Variants in GRID1 observed in about 807,000 individuals in gnomAD.
GRID1 encodes glutamate receptor ionotropic, delta-1.
A neutral mutation model predicts 98.0 loss-of-function variants in GRID1; 28 were observed. That is an observed-to-expected ratio of 0.29 (90% confidence interval 0.21 to 0.39). The LOEUF (loss-of-function observed/expected upper bound fraction) is 0.39. Ranked by LOEUF, GRID1 falls within the 10% of genes least tolerant of loss-of-function variation. The pLI, the probability that GRID1 is intolerant of heterozygous loss-of-function variation, is 1.00. For missense variants in GRID1, 1,111 were observed against 1,340.5 expected (o/e 0.83, Z 2.67); for synonymous variants, 553 against 538.5 (o/e 1.03, Z -0.37).
At chr10:86,329,304 TGGGCCCTCCTCTA>T (rs1217068856) in intron 2 of GRID1, among the ~76,000 whole-genome samples, 1 of 152,214 alleles carries the variant, frequency 6.6e-6, no homozygotes. Flanking sequence ...TGTCATACCA[TGGGCCCTCCTCTA>T]GGGCCCTCCA....
intron 12 of GRID1, among the ~76,000 whole-genome samples, chr10:85,713,609 C>A (rs1332034701): frequency 4.2e-5 from 6 of 144,444 alleles, no homozygotes; most frequent in African/African-American, 1.3e-4. Context: ...AAAATGCTAA[C>A]AAACCTAATT....
intron 2 of GRID1, among the ~76,000 whole-genome samples, chr10:86,322,260 T>C (rs549351271): frequency 6.6e-6 from 1 of 152,152 alleles, no homozygotes; most frequent in Admixed American, 6.5e-5. Flanking sequence ...ACATGAAGGA[T>C]ATAAGCTCCA....
intron 4 of GRID1, among the ~76,000 whole-genome samples, chr10:85,922,852 C>T (rs143958573): frequency 9.3e-4 from 141 of 152,224 alleles, no homozygotes; most frequent in African/African-American, 3.3e-3. Flanking sequence ...CCCTAAAGAG[C>T]GGTTATCACA....
At position 85,996,443 on chromosome 10, in the gene GRID1, C is replaced by CA. The variant is rs1381977509; in HGVS notation, c.727-80205dup. 9.9e-5 allele frequency among the ~76,000 whole-genome samples: 15 copies of CA among 151,866 alleles called. No individual in the cohort carries two copies. In the South Asian group the frequency reaches 1.7e-3, roughly 17 times the overall value. ...GTATACAATAACTAAAATTTAACAACAAAAAAAATTTCACTGGATGGGCTC... is the reference window on the plus strand; with the variant it reads ...GTATACAATAACTAAAATTTAACAACAAAAAAAAATTTCACTGGATGGGCTC... On this transcript the variant is annotated intron_variant, in intron 4 of 15. Transcript: ENST00000327946.
chr10:85,838,600 C>T (rs1207842217), intron 8 of GRID1, among the ~76,000 whole-genome samples: 1 of 152,084 alleles, frequency 6.6e-6, no homozygotes, highest in South Asian at 2.1e-4. Context: ...TAAGAAAATG[C>T]TGAGGGAATT....
At chr10:85,963,368 G>C (rs1842295272) in intron 4 of GRID1, among the ~76,000 whole-genome samples, 1 of 152,076 alleles carries the variant, frequency 6.6e-6, no homozygotes, top group South Asian at 2.1e-4. Flanking sequence ...GCCAAGTTAA[G>C]AAACCAGTCC....
At chr10:86,266,248 A>G (rs1055057376) in intron 2 of GRID1, among the ~76,000 whole-genome samples, 3 of 151,914 alleles carry the variant, frequency 2.0e-5, no homozygotes, top group African/African-American at 4.8e-5. Context: ...CTATGACTCC[A>G]GGACCTGCCA....
chr10:85,983,035 T>C (rs994789855), intron 4 of GRID1, among the ~76,000 whole-genome samples: 2 of 152,210 alleles, frequency 1.3e-5, no homozygotes, highest in African/African-American at 2.4e-5. Context: ...ATTAGCCAAT[T>C]TGGGGCCCAG....
At chr10:85,830,711 G>T (rs1031655686) in intron 8 of GRID1, among the ~76,000 whole-genome samples, 2 of 152,012 alleles carry the variant, frequency 1.3e-5, no homozygotes, top group African/African-American at 4.8e-5. Context: ...ATATGAAAAA[G>T]TGTTACATAT....
At chr10:85,897,762 CT>C (rs1841314433) in intron 5 of GRID1, among the ~76,000 whole-genome samples, 1 of 152,096 alleles carries the variant, frequency 6.6e-6, no homozygotes, top group Non-Finnish European at 1.5e-5. Flanking sequence ...TCTTAGCATT[CT>C]TCAAATATTC....
At chr10:86,322,691 GT>G (rs1847987396) in intron 2 of GRID1, among the ~76,000 whole-genome samples, 1 of 151,682 alleles carries the variant, frequency 6.6e-6, no homozygotes, top group Admixed American at 6.6e-5. Context: ...GATTACAGGT[GT>G]GAGCCACCTT....
At chr10:86,061,748 G>T (rs1169712010) in intron 4 of GRID1, among the ~76,000 whole-genome samples, 4 of 152,130 alleles carry the variant, frequency 2.6e-5, no homozygotes, top group Non-Finnish European at 4.4e-5. Context: ...TCCTCCTGCA[G>T]GAATCCACCT....
chr10:85,940,934 G>A (rs1841989897), intron 4 of GRID1, among the ~76,000 whole-genome samples: 1 of 152,236 alleles, frequency 6.6e-6, no homozygotes, highest in African/African-American at 2.4e-5. Context: ...AGCTTCCTCA[G>A]AAGGGTTGCT....
At chr10:85,751,753 C>T (rs1235334683) in intron 8 of GRID1, among the ~76,000 whole-genome samples, 2 of 151,654 alleles carry the variant, frequency 1.3e-5, no homozygotes, top group East Asian at 1.9e-4. Context: ...ATAGACAGAT[C>T]CAAAAATTAA....
intron 5 of GRID1, among the ~76,000 whole-genome samples, chr10:85,873,871 A>G (rs537571086): frequency 6.6e-6 from 1 of 152,360 alleles, no homozygotes; most frequent in African/African-American, 2.4e-5. Context: ...AGCTTTCCAG[A>G]TAATTCCAAT....
intron 4 of GRID1, among the ~76,000 whole-genome samples, chr10:85,958,967 AAAAAAGAAAG>A (rs1191687911): frequency 6.6e-6 from 1 of 151,694 alleles, no homozygotes; most frequent in Admixed American, 6.6e-5. Context: ...CAAAAAAAAA[AAAAAAGAAAG>A]AAAGAAAGAA....
chr10:85,788,190 C>T (rs1842447575), intron 8 of GRID1, among the ~76,000 whole-genome samples: 1 of 152,088 alleles, frequency 6.6e-6, no homozygotes, highest in African/African-American at 2.4e-5. Context: ...TTATTGACTG[C>T]CTAGATGCTT....
chr10:86,211,866 C>A (rs578170118), intron 2 of GRID1, among the ~76,000 whole-genome samples: 1 of 152,332 alleles, frequency 6.6e-6, no homozygotes, highest in Admixed American at 6.5e-5. Context: ...GGATTCCAGG[C>A]TGACTCTACC....
At chr10:85,917,865 C>G (rs1841642919) in intron 4 of GRID1, among the ~76,000 whole-genome samples, 1 of 152,230 alleles carries the variant, frequency 6.6e-6, no homozygotes, top group South Asian at 2.1e-4. Flanking sequence ...GGCTAAAGAG[C>G]CAGAGCTCAA....
Sources: gnomAD v4.1 joint callset for allele counts (sites outside exome capture counted in the v4.1 genomes callset) on GRCh38, gnomAD v4.1.1 for gene constraint, MANE v1.5 for transcripts, NCBI Gene and HGNC (gene_info 2026-07-23, HGNC 2026-07-21) for gene names.